The following PHACTR1 variants were observed in gnomAD, a reference collection of about 807,000 sequenced individuals.
PHACTR1 encodes phosphatase and actin regulator 1.
PHACTR1 carries 16 observed loss-of-function variants against 69.2 expected under a neutral mutation model. That is an observed-to-expected ratio of 0.23 (90% CI 0.16 to 0.35). The LOEUF (loss-of-function observed/expected upper bound fraction) is 0.35, where lower values mean the gene tolerates loss of function less well. PHACTR1 is among the 10% of genes least tolerant of loss of function. PHACTR1 has a pLI of 1.00. For synonymous variants in PHACTR1, 312 were observed against 284.5 expected (o/e 1.10, Z -0.97); for missense variants, 510 against 734.7 (o/e 0.69, Z 3.54).
At chr6:13,192,172 A>G (rs776535016) in intron 7 of PHACTR1, among the ~76,000 whole-genome samples, 37 of 152,270 alleles carry the variant, frequency 2.4e-4, no homozygotes, top group Non-Finnish European at 4.3e-4. Context: ...GATAAGCTAC[A>G]GAAAATGTTT....
At chr6:12,900,886 T>C (rs1022166550) in intron 4 of PHACTR1, among the ~76,000 whole-genome samples, 2 of 152,226 alleles carry the variant, frequency 1.3e-5, no homozygotes, top group African/African-American at 4.8e-5. Context: ...GTTTTTTCTT[T>C]CATTGCTCAG....
rs138485157 is a variant in PHACTR1 at position 13,246,634 on chromosome 6, T to G, written c.1391+16441T>G. ...TGGCATTTCCAGTCTATAATTTCCA[T>G]TGCATATAGTGCTCTTTCTCCCTCA... is the stretch of plus-strand genomic sequence containing the variant. On this transcript the variant is annotated intron_variant, in intron 10 of 14. Coordinates refer to ENST00000332995, the MANE Select transcript of PHACTR1 (RefSeq NM_030948.6). This position sits in a 1 kb window ranked among gnomAD's most constrained non-coding sequence, Gnocchi z 4.2. Among the ~76,000 whole-genome samples the G allele has an allele frequency of 6.6e-6, 1 of 152,332 alleles. No homozygotes were observed. The highest frequency in any genetic ancestry group is 6.5e-5 in the Admixed American group (1 of 15,304).
intron 3 of PHACTR1, among the ~76,000 whole-genome samples, chr6:12,747,609 G>T (rs1765965568): frequency 6.6e-6 from 1 of 152,082 alleles, no homozygotes; most frequent in African/African-American, 2.4e-5. Flanking sequence ...CAGGACTGTA[G>T]TGAGTTAAGG....
At chr6:12,867,336 A>G (rs990011254) in intron 4 of PHACTR1, among the ~76,000 whole-genome samples, 2 of 152,214 alleles carry the variant, frequency 1.3e-5, no homozygotes, top group African/African-American at 4.8e-5. Flanking sequence ...GCTCATTGCA[A>G]ACTGGAAATA....
At chr6:13,153,612 T>G (rs995925027) in intron 5 of PHACTR1, among the ~76,000 whole-genome samples, 1 of 152,230 alleles carries the variant, frequency 6.6e-6, no homozygotes, top group Non-Finnish European at 1.5e-5. Context: ...CTTTTGGTGT[T>G]TCAGTTGCCA....
chr6:12,731,976 CT>C (rs70987093), intron 3 of PHACTR1, among the ~76,000 whole-genome samples: 4,371 of 141,604 alleles, frequency 0.031, 68 homozygotes, highest in Middle Eastern at 0.048. Context: ...AAAGTTTTAC[CT>C]TTTTTTTTTT....
At position 13,058,925 on chromosome 6, in the gene PHACTR1, C is replaced by T. The variant is rs183381896; in HGVS notation, c.415+5396C>T. Among the ~76,000 whole-genome samples the T allele has an allele frequency of 1.8e-4, 28 of 152,148 alleles. No individual in the cohort carries two copies. The East Asian group carries it at 5.2e-3, about 28-fold the overall frequency. ...GATTCTGCCTCGTTTAGAGCAAATT[C>T]AGGAGTGTGAGTAGCTGCAGACAGA... is the stretch of plus-strand genomic sequence containing the variant. On this transcript the variant is annotated intron_variant, in intron 5 of 14. Coordinates refer to ENST00000332995, the MANE Select transcript of PHACTR1 (RefSeq NM_030948.6).
chr6:12,854,712 T>C (rs749247623), intron 4 of PHACTR1, among the ~76,000 whole-genome samples: 16 of 152,016 alleles, frequency 1.1e-4, no homozygotes, highest in Non-Finnish European at 1.8e-4. Flanking sequence ...AACAAGCCCA[T>C]TAAAAAGTGG....
chr6:12,841,893 A>G (rs754517940), intron 4 of PHACTR1, among the ~76,000 whole-genome samples: 20 of 152,110 alleles, frequency 1.3e-4, no homozygotes, highest in Non-Finnish European at 2.1e-4. Context: ...AGCTTATTTC[A>G]GTTGTCCAAG....
intron 4 of PHACTR1, among the ~76,000 whole-genome samples, chr6:12,815,608 A>G (rs1775490333): frequency 1.3e-5 from 2 of 152,160 alleles, no homozygotes; most frequent in South Asian, 4.1e-4. Context: ...TAACTCCTTC[A>G]CCTTCTCCCA....
At chr6:12,996,983 T>C (rs1262085969) in intron 4 of PHACTR1, among the ~76,000 whole-genome samples, 4 of 151,962 alleles carry the variant, frequency 2.6e-5, no homozygotes, top group Non-Finnish European at 5.9e-5. Context: ...CTGACCAACA[T>C]GGAGAAACCT....
At chr6:12,759,030 A>G (rs764668291) in intron 4 of PHACTR1, among the ~76,000 whole-genome samples, 4 of 150,648 alleles carry the variant, frequency 2.7e-5, no homozygotes, top group African/African-American at 4.9e-5. Flanking sequence ...AGGCTGAGGC[A>G]GGAGAATCGC....
In PHACTR1 at chr6:12,886,898, GGT is replaced by G. The variant is rs747006761; in HGVS notation, c.250+137112_250+137113del. ...AAAAACAGTAGCAAGAGGGATGGGA[GGT>G]GTGAATCATGAAGCAAAAAAGTTTG... On this transcript the variant is annotated intron_variant, in intron 4 of 14. Coordinates refer to ENST00000332995, the MANE Select transcript of PHACTR1 (RefSeq NM_030948.6). 1.5e-3 allele frequency among the ~76,000 whole-genome samples: 236 copies of G among 152,258 alleles called. 2 individuals are homozygous for G. Among genetic ancestry groups the G allele is most frequent in the Non-Finnish European group, 2.5e-4 (17 of 68,012 alleles).
At chr6:12,979,638 T>C (rs1342949142) in intron 4 of PHACTR1, among the ~76,000 whole-genome samples, 1 of 151,976 alleles carries the variant, frequency 6.6e-6, no homozygotes, top group African/African-American at 2.4e-5. Flanking sequence ...ACACAGGCAT[T>C]ATTGTTTAGA....
chr6:12,919,177 C>T (rs953122946), intron 4 of PHACTR1, among the ~76,000 whole-genome samples: 2 of 152,010 alleles, frequency 1.3e-5, no homozygotes, highest in Non-Finnish European at 2.9e-5. Context: ...GAGTCTCACT[C>T]TATTGCCCAG....
At chr6:12,825,653 C>A (rs1490930214) in intron 4 of PHACTR1, among the ~76,000 whole-genome samples, 1 of 152,156 alleles carries the variant, frequency 6.6e-6, no homozygotes, top group African/African-American at 2.4e-5. Flanking sequence ...CTGTTTCCTG[C>A]CTTTTTCCTT....
At chr6:12,843,195 T>C (rs1430675611) in intron 4 of PHACTR1, among the ~76,000 whole-genome samples, 2 of 152,232 alleles carry the variant, frequency 1.3e-5, no homozygotes, top group Non-Finnish European at 2.9e-5. Context: ...TTTGAGTTGA[T>C]CTTTGAAGAC....
At chr6:13,127,650 T>C (rs549597884) in intron 5 of PHACTR1, among the ~76,000 whole-genome samples, 1 of 152,314 alleles carries the variant, frequency 6.6e-6, no homozygotes, top group East Asian at 1.9e-4. Context: ...TAACTCAAAA[T>C]AGTCAATATG....
At chr6:13,021,939 G>C (rs1801031906) in intron 4 of PHACTR1, among the ~76,000 whole-genome samples, 1 of 152,194 alleles carries the variant, frequency 6.6e-6, no homozygotes. Context: ...TAAGAGAAGA[G>C]GGTCAGAGAG....
Sources: allele counts gnomAD v4.1 joint callset (sites outside exome capture counted in the v4.1 genomes callset), GRCh38; gene constraint gnomAD v4.1.1; non-coding constraint Gnocchi (gnomAD v3.1); transcripts MANE v1.5; gene names NCBI Gene and HGNC (gene_info 2026-07-23, HGNC 2026-07-21).